Variants in ARPC3 observed in about 807,000 individuals in gnomAD.
The protein encoded by ARPC3 is actin-related protein 2/3 complex subunit 3.
In ARPC3, 12 loss-of-function variants were observed where a neutral mutation model predicts 27.6. The observed-to-expected ratio is 0.43, with a 90% CI of 0.28 to 0.70. The LOEUF is 0.70. Ranked by LOEUF, ARPC3 falls within the 30% of genes least tolerant of loss-of-function variation. The probability of loss-of-function intolerance (pLI) is 0.17; values close to 1 mark genes in which losing one functional copy is unlikely to be tolerated. For missense variants in ARPC3, 153 were observed against 207.7 expected (o/e 0.74, Z 1.62); for synonymous variants, 53 against 67.2 (o/e 0.79, Z 1.03).
chr12:110,444,726 A>G (rs2062455087), intron 2 of ARPC3, among the ~76,000 whole-genome samples: 1 of 152,234 alleles, frequency 6.6e-6, no homozygotes, highest in Non-Finnish European at 1.5e-5. Context: ...TGAAAACAAA[A>G]TTAAGTTTAA....
At chr12:110,440,660 C>T in intron 2 of ARPC3, among the ~76,000 whole-genome samples, 1 of 151,024 alleles carries the variant, frequency 6.6e-6, no homozygotes, top group Non-Finnish European at 1.5e-5. Flanking sequence ...CATTCTCCTG[C>T]CTCAGCCTCC....
intron 1 of ARPC3, among the ~76,000 whole-genome samples, chr12:110,447,500 C>T (rs955649230): frequency 1.3e-5 from 2 of 152,012 alleles, no homozygotes; most frequent in Non-Finnish European, 1.5e-5. Flanking sequence ...ATGGGATGGG[C>T]GGGGTGGCTC....
intron 2 of ARPC3, among the ~76,000 whole-genome samples, chr12:110,444,667 T>C (rs572746032): frequency 2.6e-5 from 4 of 152,330 alleles, no homozygotes; most frequent in South Asian, 4.1e-4. Context: ...AAGTAGAGAC[T>C]GTGGTGACTC....
intron 3 of ARPC3, among the ~76,000 whole-genome samples, chr12:110,439,264 C>A (rs557717347): frequency 6.6e-6 from 1 of 151,932 alleles, no homozygotes; most frequent in African/African-American, 2.4e-5. Flanking sequence ...GGATTACAGG[C>A]GTGAGCCACC....
chr12:110,435,727 G>A (rs1445748470), intron 6 of ARPC3, among the ~76,000 whole-genome samples: 11 of 151,956 alleles, frequency 7.2e-5, no homozygotes, highest in African/African-American at 9.7e-5. Context: ...GGGTTCAAGC[G>A]ACTCTCTTGT....
At chr12:110,438,650 TA>T (rs1198084743) in intron 3 of ARPC3, among the ~76,000 whole-genome samples, 5 of 150,130 alleles carry the variant, frequency 3.3e-5, no homozygotes, top group East Asian at 2.0e-4. Flanking sequence ...TTTTCCTATA[TA>T]TTTTTTTTTT....
rs566587993 is a variant in ARPC3 at position 110,441,544 on chromosome 12, T to C, written c.107-1156A>G. ...TGAAATTCAATCAAAACAGTTTTAT[T>C]TTTTAGAGAGAGGTCTTGCTCTGTT... On this transcript the variant is annotated intron_variant, in intron 2 of 6. Coordinates refer to ENST00000228825, the MANE Select transcript of ARPC3 (RefSeq NM_001278556.2). 2.0e-5 allele frequency among the ~76,000 whole-genome samples: 3 copies of C among 152,216 alleles called. No individual in the cohort carries two copies. In the East Asian group the frequency reaches 5.8e-4, roughly 29 times the overall value.
At chr12:110,435,780 T>C (rs2062400154) in intron 6 of ARPC3, among the ~76,000 whole-genome samples, 1 of 151,994 alleles carries the variant, frequency 6.6e-6, no homozygotes, top group Non-Finnish European at 1.5e-5. Context: ...CACACCATCA[T>C]GCCTGGCTAA....
chr12:110,444,891 G>T (rs552798327), intron 2 of ARPC3: 1 of 163,104 alleles, frequency 6.1e-6, no homozygotes, highest in East Asian at 1.8e-4. Flanking sequence ...AAATTATACT[G>T]TTGGGAGAAC....
intron 1 of ARPC3, among the ~76,000 whole-genome samples, chr12:110,446,310 T>C (rs1375431864): frequency 6.7e-6 from 1 of 149,712 alleles, no homozygotes; most frequent in Non-Finnish European, 1.5e-5. Flanking sequence ...TTTTTTTTTT[T>C]TTTTGAGACA....
chr12:110,446,263 A>G (rs2062463721), intron 1 of ARPC3, among the ~76,000 whole-genome samples: 2 of 150,168 alleles, frequency 1.3e-5, no homozygotes, highest in Admixed American at 1.3e-4. Flanking sequence ...GGCTGGGACT[A>G]CAGGTGTGAG....
rs1023363301 is a variant in ARPC3 at position 110,436,554 on chromosome 12, T to C, written c.379+3A>G. The C allele has an allele frequency of 1.9e-6, 3 of 1,613,854 alleles. No individual in the cohort carries two copies. Among genetic ancestry groups the C allele is most frequent in the African/African-American group, 2.7e-5 (2 of 74,872 alleles). ...CAGAGTGAGGATAGAGACCTGTTCT[T>C]ACCATCTTCCTGTTTGTTTGCAGGT... is the stretch of plus-strand genomic sequence containing the variant. On this transcript the variant is annotated splice_donor_region_variant and intron_variant, in intron 5 of 6. Coordinates refer to ENST00000228825, the MANE Select transcript of ARPC3 (RefSeq NM_001278556.2).
intron 3 of ARPC3, 59 bp downstream of exon 3, chr12:110,440,253 A>G: frequency 8.6e-7 from 1 of 1,162,546 alleles, no homozygotes; most frequent in Non-Finnish European, 1.3e-6. Context: ...TCTGGATAGC[A>G]AGGTTGGTAT....
chr12:110,436,705 TATATATACAC>T (rs1339042477), intron 4 of ARPC3, 22 bp from the exon 5 acceptor site: 54 of 921,166 alleles, frequency 5.9e-5, no homozygotes, highest in Admixed American at 2.0e-4. Context: ...AATATATATA[TATATATACAC>T]ACACACACAC....
At chr12:110,442,166 CA>C (rs1053481149) in intron 2 of ARPC3, among the ~76,000 whole-genome samples, 115 of 149,688 alleles carry the variant, frequency 7.7e-4, no homozygotes, top group Non-Finnish European at 2.8e-4. Flanking sequence ...CAGCACCAGG[CA>C]AAAAAAAAAT....
intron 3 of ARPC3, among the ~76,000 whole-genome samples, chr12:110,439,643 C>T (rs913229052): frequency 1.3e-5 from 2 of 152,050 alleles, no homozygotes; most frequent in South Asian, 2.1e-4. Context: ...CACCATCCTG[C>T]CTAACATTGT....
chr12:110,436,765 G>C (rs930822940), intron 4 of ARPC3, 82 bp from the exon 5 acceptor site: 2 of 1,097,818 alleles, frequency 1.8e-6, no homozygotes. Context: ...TATTTTACAG[G>C]GAAAAGAAGA....
chr12:110,437,991 G>C (rs187183238), intron 3 of ARPC3, among the ~76,000 whole-genome samples: 210 of 152,172 alleles, frequency 1.4e-3, no homozygotes, highest in Non-Finnish European at 2.4e-3. Context: ...TATGGACTTT[G>C]GGTCAAATTT....
chr12:110,448,091 G>A (rs977652483), intron 1 of ARPC3, among the ~76,000 whole-genome samples: 19 of 151,782 alleles, frequency 1.3e-4, no homozygotes, highest in African/African-American at 4.1e-4. Flanking sequence ...TGTTGCCCAG[G>A]TTGGTCTCAA....
Sources: allele counts gnomAD v4.1 joint callset (sites outside exome capture counted in the v4.1 genomes callset), GRCh38; gene constraint gnomAD v4.1.1; transcripts MANE v1.5; gene names NCBI Gene and HGNC (gene_info 2026-07-23, HGNC 2026-07-21).